The following PPP2R2C variants were observed in gnomAD, a reference collection of about 807,000 sequenced individuals.
PPP2R2C encodes protein phosphatase 2 regulatory subunit Bgamma.
PPP2R2C carries 10 observed loss-of-function variants against 45.3 expected under a neutral mutation model. That is an observed-to-expected ratio of 0.22 (90% CI 0.14 to 0.37). PPP2R2C has a LOEUF of 0.37. Ranked by LOEUF, PPP2R2C falls within the 10% of genes least tolerant of loss-of-function variation. The probability of loss-of-function intolerance (pLI) is 1.00; values close to 1 mark genes in which losing one functional copy is unlikely to be tolerated. For synonymous variants in PPP2R2C, 257 were observed against 245.4 expected (o/e 1.05, Z -0.44); for missense variants, 308 against 619.7 (o/e 0.50, Z 5.34).
At chr4:6,491,838 AG>A (rs1722709071) in intron 2 of PPP2R2C, among the ~76,000 whole-genome samples, 1 of 152,142 alleles carries the variant, frequency 6.6e-6, no homozygotes, top group African/African-American at 2.4e-5. Flanking sequence ...AAGCTTCCTG[AG>A]GGAAGCTTAC....
intron 6 of PPP2R2C, among the ~76,000 whole-genome samples, chr4:6,339,189 C>T (rs1733246808): frequency 1.3e-5 from 2 of 152,260 alleles, no homozygotes; most frequent in African/African-American, 2.4e-5. Flanking sequence ...GCCCCCAAGC[C>T]GCTGGGTACC....
In PPP2R2C at chr4:6,447,143, C is replaced by A. The variant is rs116443720; in HGVS notation, c.70+25017G>T. 5.2e-3 allele frequency among the ~76,000 whole-genome samples: 794 copies of A among 152,170 alleles called. 9 individuals are homozygous for A. The highest frequency in any genetic ancestry group is 0.018 in the African/African-American group (758 of 41,540). The stretch of plus-strand genomic sequence containing the variant: ...GGGGGTCCCTGGGGAGCTGGCCTGG[C>A]TCTCACTCTCACCAAGGAGCCCCGG... On this transcript the variant is annotated intron_variant, in intron 1 of 8. Transcript: ENST00000382599.
At chr4:6,508,717 G>T (rs1240630970) in intron 2 of PPP2R2C, among the ~76,000 whole-genome samples, 1 of 152,200 alleles carries the variant, frequency 6.6e-6, no homozygotes, top group Non-Finnish European at 1.5e-5. Flanking sequence ...GAGTTTAACT[G>T]GAGTATGACC....
chr4:6,408,977 T>C (rs1717982432), intron 1 of PPP2R2C, among the ~76,000 whole-genome samples: 1 of 151,848 alleles, frequency 6.6e-6, no homozygotes, highest in African/African-American at 2.4e-5. Context: ...TTGCATTTTA[T>C]TCACCACCCT....
intron 1 of PPP2R2C, chr4:6,382,912 T>C (rs1560501976): frequency 5.5e-6 from 6 of 1,087,816 alleles, no homozygotes; most frequent in Non-Finnish European, 6.7e-6. Flanking sequence ...GCGGCTCCCA[T>C]TGTGTACTCA....
At chr4:6,512,360 T>C (rs1723642134) in intron 2 of PPP2R2C, among the ~76,000 whole-genome samples, 1 of 5,942 alleles carries the variant, frequency 1.7e-4, no homozygotes, top group Non-Finnish European at 5.6e-4. Context: ...ATGGTGCTGA[T>C]GGTGGTGGTG....
At chr4:6,554,770 G>T (rs369567703) in intron 1 of PPP2R2C, among the ~76,000 whole-genome samples, 18 of 150,854 alleles carry the variant, frequency 1.2e-4, no homozygotes, top group East Asian at 5.8e-4. Flanking sequence ...TGAGGCACGA[G>T]AATCGCTTGA....
chr4:6,477,805 C>G (rs10030974), intron 2 of PPP2R2C, among the ~76,000 whole-genome samples: 7,946 of 151,636 alleles, frequency 0.052, 349 homozygotes, highest in African/African-American at 0.12. Context: ...GGAGTCATCC[C>G]GACTCCCACG....
At chr4:6,541,803 T>A (rs1724810981) in intron 1 of PPP2R2C, among the ~76,000 whole-genome samples, 1 of 152,208 alleles carries the variant, frequency 6.6e-6, no homozygotes, top group Non-Finnish European at 1.5e-5. Flanking sequence ...GGGCTGGGAT[T>A]ACAGGTGTGA....
chr4:6,521,703 G>A (rs1560600703), intron 2 of PPP2R2C, among the ~76,000 whole-genome samples: 1 of 152,216 alleles, frequency 6.6e-6, no homozygotes. Flanking sequence ...CCCCTGGACT[G>A]GCCACCGGTC....
intron 1 of PPP2R2C, among the ~76,000 whole-genome samples, chr4:6,554,969 GAAAGAAAGAA>G (rs1560620495): frequency 1.3e-3 from 168 of 125,814 alleles, no homozygotes; most frequent in African/African-American, 4.2e-3. Context: ...GAAAGAAAGA[GAAAGAAAGAA>G]AAGAGAAGAG....
chr4:6,434,359 C>CTTTTTTTTTTT (rs34292067), intron 1 of PPP2R2C, among the ~76,000 whole-genome samples: 6 of 116,134 alleles, frequency 5.2e-5, no homozygotes, highest in East Asian at 2.5e-4. Flanking sequence ...TTTTTCTTTT[C>CTTTTTTTTTTT]TTTTTTTTTT....
intron 1 of PPP2R2C, among the ~76,000 whole-genome samples, chr4:6,537,190 G>A (rs1005598275): frequency 1.3e-5 from 2 of 151,868 alleles, no homozygotes; most frequent in South Asian, 2.1e-4. Flanking sequence ...GCGACAGAGC[G>A]AGACTCCATC....
At chr4:6,350,552 T>G in intron 5 of PPP2R2C, 1 of 985,300 alleles carries the variant, frequency 1.0e-6, no homozygotes, top group Non-Finnish European at 1.2e-6. Flanking sequence ...AGGACACTCA[T>G]TCTCGTTGTA....
chr4:6,346,714 G>T (rs1240578888), intron 6 of PPP2R2C, among the ~76,000 whole-genome samples: 1 of 152,162 alleles, frequency 6.6e-6, no homozygotes, highest in Non-Finnish European at 1.5e-5. Flanking sequence ...AGGTTTTGGT[G>T]GGCCCTGAGC....
At chr4:6,387,126 C>T (rs1402028394) in intron 1 of PPP2R2C, among the ~76,000 whole-genome samples, 2 of 152,036 alleles carry the variant, frequency 1.3e-5, no homozygotes, top group Admixed American at 1.3e-4. Context: ...AGGTTCAACA[C>T]ACATGTGATT....
intron 1 of PPP2R2C, among the ~76,000 whole-genome samples, chr4:6,559,656 G>T (rs960208628): frequency 9.2e-5 from 14 of 152,074 alleles, no homozygotes; most frequent in Admixed American, 8.5e-4. Flanking sequence ...CGGGCCCTGG[G>T]GAAACAATTA....
intron 1 of PPP2R2C, among the ~76,000 whole-genome samples, chr4:6,403,371 T>A (rs6414629): frequency 2.6e-5 from 4 of 152,002 alleles, no homozygotes; most frequent in African/African-American, 9.7e-5. Flanking sequence ...CCTCGCTTCC[T>A]GCCCCCTAGG....
intron 6 of PPP2R2C, among the ~76,000 whole-genome samples, chr4:6,341,686 A>T (rs1200634341): frequency 1.3e-5 from 2 of 152,198 alleles, no homozygotes; most frequent in African/African-American, 4.8e-5. Context: ...GCCCAATGTC[A>T]TCACAAGGGT....
Sources: gnomAD v4.1 joint callset for allele counts (sites outside exome capture counted in the v4.1 genomes callset) on GRCh38, gnomAD v4.1.1 for gene constraint, MANE v1.5 for transcripts, NCBI Gene and HGNC (gene_info 2026-07-23, HGNC 2026-07-21) for gene names.